ROBO2: variants seen among roughly 807,000 people sequenced by gnomAD.
ROBO2 encodes the protein roundabout homolog 2.
ROBO2 carries 53 observed loss-of-function variants against 160.8 expected under a neutral mutation model. The ratio of observed to expected loss-of-function variants is 0.33; its 90% CI spans 0.26 to 0.41. The LOEUF is 0.41. ROBO2 is among the 10% of genes least tolerant of loss of function. The pLI is 1.00. For synonymous variants in ROBO2, 664 were observed against 611.7 expected, an observed-to-expected ratio of 1.09 and a Z score of -1.26; for missense variants, 1,577 against 1,722.4, an observed-to-expected ratio of 0.92 and a Z score of 1.49.
chr3:76,784,315 C>A (rs1191925596), intron 2 of ROBO2, among the ~76,000 whole-genome samples: 1 of 151,116 alleles, frequency 6.6e-6, no homozygotes, highest in Non-Finnish European at 1.5e-5. Context: ...GCTTGTAGAT[C>A]TTTCCCATGA....
intron 2 of ROBO2, among the ~76,000 whole-genome samples, chr3:76,133,191 T>A (rs1428069160): frequency 6.6e-6 from 1 of 151,910 alleles, no homozygotes; most frequent in Admixed American, 6.6e-5. Context: ...TAGCCCAGGG[T>A]ATAAAATTAA....
At chr3:76,282,925 T>C (rs1455230939) in intron 2 of ROBO2, among the ~76,000 whole-genome samples, 1 of 151,458 alleles carries the variant, frequency 6.6e-6, no homozygotes, top group African/African-American at 2.4e-5. Context: ...CTAGTTTTTA[T>C]AGCATTTATT....
chr3:76,511,510 A>C (rs1401235750), intron 2 of ROBO2, among the ~76,000 whole-genome samples: 1 of 152,216 alleles, frequency 6.6e-6, no homozygotes, highest in Non-Finnish European at 1.5e-5. Flanking sequence ...TTATTAATAC[A>C]ACCATGTGAC....
At chr3:76,426,745 A>G (rs1191426359) in intron 2 of ROBO2, among the ~76,000 whole-genome samples, 10 of 134,980 alleles carry the variant, frequency 7.4e-5, no homozygotes, top group Non-Finnish European at 1.5e-4. Flanking sequence ...AGTAGATTTC[A>G]AAGAAAGGGA....
intron 2 of ROBO2, among the ~76,000 whole-genome samples, chr3:76,661,972 AGTCAGCTTGGAATTTG>A (rs1254819394): frequency 6.6e-6 from 1 of 152,172 alleles, no homozygotes; most frequent in Admixed American, 6.5e-5. Context: ...GCTATACTAC[AGTCAGCTTGGAATTTG>A]GTATCTTGTT....
intron 2 of ROBO2, among the ~76,000 whole-genome samples, chr3:75,970,420 T>G (rs1285822865): frequency 6.6e-6 from 1 of 151,542 alleles, no homozygotes; most frequent in African/African-American, 2.4e-5. Context: ...CCCAGCATTT[T>G]CATGATGAGG....
At chr3:77,199,373 C>T (rs1019378254) in intron 2 of ROBO2, among the ~76,000 whole-genome samples, 13 of 152,206 alleles carry the variant, frequency 8.5e-5, no homozygotes, top group African/African-American at 2.4e-4. Context: ...CCTGAGCTTG[C>T]AGATGGTAGG....
At chr3:77,558,207 G>A in intron 9 of ROBO2, 58 bp downstream of exon 10, 2 of 1,409,748 alleles carry the variant, frequency 1.4e-6, no homozygotes, top group South Asian at 2.3e-5. Context: ...CTGCTCTATG[G>A]AAAAATTGCA....
intron 2 of ROBO2, among the ~76,000 whole-genome samples, chr3:77,314,752 G>T (rs1022017248): frequency 2.6e-5 from 4 of 152,166 alleles, no homozygotes; most frequent in African/African-American, 9.7e-5. Flanking sequence ...TCAAGCCATT[G>T]AGGATGGGAG....
At position 76,049,403 on chromosome 3, in the gene ROBO2, A is replaced by ATATTTTTTTTT. The variant is rs1414664360; in HGVS notation, c.109+111802_109+111803insATTTTTTTTTT. 8.9e-4 allele frequency among the ~76,000 whole-genome samples: 48 copies of ATATTTTTTTTT among 53,758 alleles called. 1 individual carries two copies. The highest frequency in any genetic ancestry group is 5.0e-3 in the African/African-American group (34 of 6,854). 35.3% of individuals were successfully genotyped at this position (53,758 alleles called of 152,430 possible). A position where few individuals can be genotyped will look rare whatever the true frequency, so the allele number is the denominator to read the frequency against. The stretch of plus-strand genomic sequence containing the variant: ...TTTTAGTATATATATATATATATAT[A>ATATTTTTTTTT]TTTTTTTTTTTTTTTTTTTTTGTAG... On this transcript the variant is annotated intron_variant, in intron 2 of 26. Coordinates refer to the ROBO2 transcript ENST00000487694.
At chr3:77,216,621 C>T (rs559216720) in intron 2 of ROBO2, among the ~76,000 whole-genome samples, 114 of 152,240 alleles carry the variant, frequency 7.5e-4, no homozygotes, top group African/African-American at 2.4e-3. Flanking sequence ...GAGATGAACC[C>T]GGTACCTCAG....
intron 2 of ROBO2, among the ~76,000 whole-genome samples, chr3:76,235,381 C>T (rs1201756383): frequency 6.6e-6 from 1 of 152,110 alleles, no homozygotes; most frequent in African/African-American, 2.4e-5. Context: ...TTGCCAGCAA[C>T]CAAAGAAAGC....
intron 2 of ROBO2, among the ~76,000 whole-genome samples, chr3:76,592,761 G>A (rs1156617695): frequency 6.6e-6 from 1 of 152,082 alleles, no homozygotes; most frequent in African/African-American, 2.4e-5. Flanking sequence ...AACCATCAGA[G>A]ATTTATTCTG....
intron 2 of ROBO2, among the ~76,000 whole-genome samples, chr3:76,919,147 T>C (rs1393298589): frequency 6.6e-6 from 1 of 152,096 alleles, no homozygotes; most frequent in African/African-American, 2.4e-5. Flanking sequence ...CATTTACCTG[T>C]GTAACAAACC....
chr3:76,592,605 A>G (rs2086483217), intron 2 of ROBO2, among the ~76,000 whole-genome samples: 1 of 152,098 alleles, frequency 6.6e-6, no homozygotes, highest in Non-Finnish European at 1.5e-5. Context: ...AACCTTCCGT[A>G]TTAGTTTCTT....
chr3:76,725,968 G>A (rs2093545574), intron 2 of ROBO2, among the ~76,000 whole-genome samples: 2 of 152,074 alleles, frequency 1.3e-5, no homozygotes, highest in South Asian at 4.1e-4. Flanking sequence ...GGTCATATGC[G>A]AATTACTTAC....
intron 2 of ROBO2, among the ~76,000 whole-genome samples, chr3:76,266,433 G>T (rs187534636): frequency 6.6e-6 from 1 of 152,182 alleles, no homozygotes; most frequent in East Asian, 1.9e-4. Flanking sequence ...ATCACACAGG[G>T]CATAGTAAAG....
intron 2 of ROBO2, among the ~76,000 whole-genome samples, chr3:76,597,980 A>G (rs9844589): frequency 0.5 from 76,396 of 151,912 alleles, 19,435 homozygotes; most frequent in Middle Eastern, 0.67. Context: ...ATGAGTATTT[A>G]CAGCTTTTTT....
intron 23 of ROBO2, chr3:77,632,437 T>C: frequency 3.5e-6 from 5 of 1,448,746 alleles, no homozygotes; most frequent in Non-Finnish European, 4.6e-6. Flanking sequence ...AGATTTTCAA[T>C]ATATACAACT....
Sources: gnomAD v4.1 joint callset for allele counts (sites outside exome capture counted in the v4.1 genomes callset) on GRCh38, gnomAD v4.1.1 for gene constraint, MANE v1.5 for transcripts, NCBI Gene and HGNC (gene_info 2026-07-23, HGNC 2026-07-21) for gene names.